The following UBAC2 variants were observed in gnomAD, a reference collection of about 807,000 sequenced individuals.
The protein encoded by UBAC2 is UBA domain containing 2.
A neutral mutation model predicts 44.0 loss-of-function variants in UBAC2; 26 were observed. The ratio of observed to expected loss-of-function variants is 0.59; its 90% CI spans 0.43 to 0.82. The LOEUF is 0.82. UBAC2 is among the 40% of genes least tolerant of loss of function. The probability of loss-of-function intolerance (pLI) is 0.00; values close to 1 mark genes in which losing one functional copy is unlikely to be tolerated. For synonymous variants in UBAC2, 155 were observed against 154.3 expected, an observed-to-expected ratio of 1.00 and a Z score of -0.04; for missense variants, 329 against 419.4, an observed-to-expected ratio of 0.78 and a Z score of 1.88.
Position 99,368,688 on chromosome 13 carries a change from A to AGAGTGTGTGT in UBAC2, c.927+783_927+784insAGTGTGTGTG, listed in dbSNP as rs765104174. Reference sequence around the variant, plus strand: ...CACTATCATCGTAAACTCATGAGAGAGTGTGTGTGTGTGTGTGTGTGTGTG... The same window carrying AGAGTGTGTGT: ...CACTATCATCGTAAACTCATGAGAGAGAGTGTGTGTGTGTGTGTGTGTGTGTGTGTGTGTG... On this transcript the variant is annotated intron_variant, in intron 8 of 8. Coordinates refer to ENST00000403766, the MANE Select transcript of UBAC2 (RefSeq NM_001144072.2). Among the ~76,000 whole-genome samples the AGAGTGTGTGT allele has an allele frequency of 1.0e-3, 148 of 146,700 alleles. 1 individual carries two copies. In the East Asian group the frequency reaches 0.017, roughly 17 times the overall value.
At chr13:99,297,344 G>A (rs1475465826) in intron 4 of UBAC2, among the ~76,000 whole-genome samples, 1 of 152,074 alleles carries the variant, frequency 6.6e-6, no homozygotes. Context: ...AAATTAAGGG[G>A]CACTTTCAGC....
At chr13:99,284,244 TG>T (rs1315954167) in intron 4 of UBAC2, among the ~76,000 whole-genome samples, 3 of 152,196 alleles carry the variant, frequency 2.0e-5, no homozygotes, top group African/African-American at 4.8e-5. Flanking sequence ...AAGTTCCAAT[TG>T]GGGGGAAGTG....
chr13:99,309,674 C>T (rs764433035), intron 4 of UBAC2, among the ~76,000 whole-genome samples: 26 of 152,076 alleles, frequency 1.7e-4, no homozygotes, highest in Admixed American at 5.9e-4. Context: ...GATCTTGGCT[C>T]ACTGCAACCT....
At chr13:99,361,474 T>TAG (rs1307045125) in intron 7 of UBAC2, among the ~76,000 whole-genome samples, 1 of 152,210 alleles carries the variant, frequency 6.6e-6, no homozygotes, top group East Asian at 1.9e-4. Flanking sequence ...TTTGATTCTC[T>TAG]CACTCTCTTG....
chr13:99,371,931 T>C (rs1464258812), intron 8 of UBAC2, among the ~76,000 whole-genome samples: 1 of 152,252 alleles, frequency 6.6e-6, no homozygotes, highest in Non-Finnish European at 1.5e-5. Flanking sequence ...TTTTCTACTT[T>C]TGCTATTTTT....
chr13:99,213,098 A>G (rs1166901133), intron 1 of UBAC2, among the ~76,000 whole-genome samples: 1 of 152,150 alleles, frequency 6.6e-6, no homozygotes, highest in Non-Finnish European at 1.5e-5. Flanking sequence ...GCATGTATAT[A>G]CATATACATA....
chr13:99,347,961 CTA>C (rs2045017141), intron 7 of UBAC2, among the ~76,000 whole-genome samples: 1 of 152,068 alleles, frequency 6.6e-6, no homozygotes, highest in African/African-American at 2.4e-5. Flanking sequence ...ACTCGGGACA[CTA>C]TGCTGGACAC....
intron 4 of UBAC2, among the ~76,000 whole-genome samples, chr13:99,294,029 C>T (rs1191170822): frequency 2.0e-5 from 3 of 152,130 alleles, no homozygotes; most frequent in Admixed American, 2.0e-4. Context: ...TCATGCTACT[C>T]ATACTAAGGT....
At chr13:99,292,237 G>T (rs1042903476) in intron 4 of UBAC2, among the ~76,000 whole-genome samples, 4 of 151,350 alleles carry the variant, frequency 2.6e-5, no homozygotes, top group African/African-American at 9.7e-5. Context: ...CCAGGTTCAC[G>T]CCATTCTCCC....
chr13:99,269,220 C>T (rs1566478282), intron 4 of UBAC2, among the ~76,000 whole-genome samples: 1 of 152,138 alleles, frequency 6.6e-6, no homozygotes, highest in Non-Finnish European at 1.5e-5. Context: ...TATGAAATCC[C>T]TTTAAACCGT....
chr13:99,312,965 A>AT lies in UBAC2; in HGVS notation c.390-1123dup, dbSNP rs368551471. On this transcript the variant is annotated intron_variant, in intron 4 of 8. Transcript: ENST00000403766. ...GAAGGGTTTTTTTGTTTTGTTTTTTATTTTTTTTTGTTTTTGTTTGTTTGT... is the reference window on the plus strand; with the variant it reads ...GAAGGGTTTTTTTGTTTTGTTTTTTATTTTTTTTTTGTTTTTGTTTGTTTGT... 61 of 149,962 alleles carry AT rather than the reference A, an allele frequency of 4.1e-4. No homozygotes were observed. The East Asian group carries it at 6.7e-3, about 17-fold the overall frequency. The allele number at this position is 149,962 out of a possible 1,614,324, so 9.3% of individuals were successfully genotyped here.
chr13:99,364,616 G>T (rs545698822), intron 7 of UBAC2, among the ~76,000 whole-genome samples: 195 of 152,178 alleles, frequency 1.3e-3, no homozygotes, highest in African/African-American at 4.6e-3. Flanking sequence ...CACTTCACCT[G>T]TAGGTTTTTG....
At chr13:99,274,323 A>G (rs564801027) in intron 4 of UBAC2, among the ~76,000 whole-genome samples, 21 of 149,656 alleles carry the variant, frequency 1.4e-4, no homozygotes, top group African/African-American at 5.1e-4. Flanking sequence ...ACCACCATCT[A>G]TCCATTCTAC....
intron 2 of UBAC2, among the ~76,000 whole-genome samples, chr13:99,242,337 C>T (rs577675378): frequency 1.3e-4 from 20 of 150,462 alleles, no homozygotes; most frequent in African/African-American, 4.6e-4. Flanking sequence ...GGGCTGACCC[C>T]CCCACCTCCC....
intron 4 of UBAC2, among the ~76,000 whole-genome samples, chr13:99,252,676 G>A (rs918070661): frequency 1.3e-5 from 2 of 152,042 alleles, no homozygotes; most frequent in Non-Finnish European, 2.9e-5. Flanking sequence ...ATGTTACATC[G>A]TTTTCCAGAA....
intron 4 of UBAC2, among the ~76,000 whole-genome samples, chr13:99,263,609 A>G (rs978436949): frequency 1.3e-5 from 2 of 152,194 alleles, no homozygotes; most frequent in African/African-American, 4.8e-5. Flanking sequence ...TGAAGATACC[A>G]ACACTCCATG....
At chr13:99,223,523 CTCT>C (rs1319947488) in intron 1 of UBAC2, among the ~76,000 whole-genome samples, 1 of 109,042 alleles carries the variant, frequency 9.2e-6, no homozygotes, top group African/African-American at 3.5e-5. Flanking sequence ...TTTTAATTTG[CTCT>C]TCTTTCTCTT....
At position 99,261,217 on chromosome 13, in the gene UBAC2, C is replaced by T. The variant is rs946601802; in HGVS notation, c.389+16593C>T. 3.9e-5 allele frequency among the ~76,000 whole-genome samples: 6 copies of T among 152,224 alleles called. No homozygotes were observed. The South Asian group carries it at 1.2e-3, about 31-fold the overall frequency. The stretch of plus-strand genomic sequence containing the variant: ...TCCCAGCAGGGGGACAGTCAGCACA[C>T]AGCCAGTCCCCAGGGAGAAGAGGGT... On this transcript the variant is annotated intron_variant, in intron 4 of 8. Coordinates refer to ENST00000403766, the MANE Select transcript of UBAC2 (RefSeq NM_001144072.2).
chr13:99,311,766 G>A (rs1440914135), intron 4 of UBAC2, among the ~76,000 whole-genome samples: 1 of 152,206 alleles, frequency 6.6e-6, no homozygotes, highest in Non-Finnish European at 1.5e-5. Flanking sequence ...AATGTAGTGA[G>A]CTCCTAAACT....
Sources: allele counts gnomAD v4.1 joint callset (sites outside exome capture counted in the v4.1 genomes callset), GRCh38; gene constraint gnomAD v4.1.1; transcripts MANE v1.5; gene names NCBI Gene and HGNC (gene_info 2026-07-23, HGNC 2026-07-21).